FLACC1: variants seen among roughly 807,000 people sequenced by gnomAD.
FLACC1 encodes flagellum-associated coiled-coil domain-containing protein 1.
In FLACC1, 66 loss-of-function variants were observed where a neutral mutation model predicts 62.8. That is an observed-to-expected ratio of 1.05 (90% confidence interval 0.86 to 1.29). The LOEUF is 1.29. Among genes scored for constraint, FLACC1 ranks in the 50% most tolerant of loss-of-function variants. The pLI is 0.00. For missense variants in FLACC1, 452 were observed against 489.1 expected (o/e 0.92, Z 0.71); for synonymous variants, 156 against 161.0 (o/e 0.97, Z 0.24).
chr2:201,332,514 C>T (rs1450419680), intron 7 of FLACC1, among the ~76,000 whole-genome samples: 1 of 152,164 alleles, frequency 6.6e-6, no homozygotes, highest in Non-Finnish European at 1.5e-5. Context: ...TCCCAAAGTG[C>T]TGAGATTACA....
the FLACC1 span, among the ~76,000 whole-genome samples, chr2:201,363,842 G>A: frequency 6.6e-6 from 1 of 152,186 alleles, no homozygotes; most frequent in Admixed American, 6.5e-5. Flanking sequence ...GGGAACTTGG[G>A]GTCGAGGAAA....
rs1359010146 is a variant in FLACC1, at chr2:201,320,159, T to C, written c.675+10311A>G. On this transcript the variant is annotated intron_variant, in intron 9 of 14. Coordinates refer to ENST00000392257, the MANE Select transcript of FLACC1 (RefSeq NM_001127391.3). ...AGCATGGAGAGAGGGAAGCCATTTC[T>C]TACTGTTCCTCACGGGGAACCCTGT... 2.0e-5 allele frequency among the ~76,000 whole-genome samples: 3 copies of C among 152,376 alleles called. No homozygotes were observed. In the East Asian group the frequency reaches 5.8e-4, roughly 29 times the overall value.
chr2:201,318,592 A>G (rs1431175960), intron 9 of FLACC1, among the ~76,000 whole-genome samples: 2 of 152,194 alleles, frequency 1.3e-5, no homozygotes, highest in Non-Finnish European at 2.9e-5. Flanking sequence ...AAATAAAAAA[A>G]AAATACATGT....
At chr2:201,321,435 C>T (rs1056130420) in intron 9 of FLACC1, among the ~76,000 whole-genome samples, 1 of 152,184 alleles carries the variant, frequency 6.6e-6, no homozygotes, top group Non-Finnish European at 1.5e-5. Context: ...GGCACAGTTG[C>T]AGTGCTGGGC....
At position 201,346,722 on chromosome 2, in the gene FLACC1, G is replaced by C. The variant is rs902853061; in HGVS notation, c.235-47C>G. The C allele has an allele frequency of 1.3e-5, 21 of 1,610,016 alleles. No individual in the cohort carries two copies. The highest frequency in any genetic ancestry group is 3.3e-4 in the Middle Eastern group (2 of 6,048). ...GATAAAATGGCAGACTTGGAGTGCT[G>C]AGATTTTTCCAAATCTTCTCTTATT... On this transcript the variant is annotated intron_variant, in intron 4 of 14. Coordinates refer to ENST00000392257, the MANE Select transcript of FLACC1 (RefSeq NM_001127391.3). The surrounding 1 kb of genome is among the most constrained non-coding windows in gnomAD (Gnocchi z 4.0).
At chr2:201,339,221 A>T (rs1950755920) in intron 7 of FLACC1, among the ~76,000 whole-genome samples, 2 of 152,152 alleles carry the variant, frequency 1.3e-5, no homozygotes, top group Non-Finnish European at 2.9e-5. Flanking sequence ...TGTTCATAAT[A>T]GTCTCTGATG....
intron 8 of FLACC1, 38 bp from the exon 9 acceptor site, chr2:201,330,560 T>C (rs1393570190): frequency 1.1e-5 from 18 of 1,600,568 alleles, no homozygotes; most frequent in Non-Finnish European, 1.5e-5. Context: ...TCATTAGTCT[T>C]CTGATATGCA....
intron 7 of FLACC1, among the ~76,000 whole-genome samples, chr2:201,338,570 G>A (rs113035905): frequency 1.4e-4 from 22 of 152,138 alleles, no homozygotes; most frequent in African/African-American, 4.8e-4. Context: ...GTTGAGGTAT[G>A]TTTCTTCTAT....
intron 14 of FLACC1, 113 bp from the exon 15 acceptor site, chr2:201,288,894 C>T: frequency 8.1e-7 from 1 of 1,232,474 alleles, no homozygotes; most frequent in Non-Finnish European, 1.1e-6. Flanking sequence ...ACAGCAGTCT[C>T]TCACTCATTA....
intron 2 of FLACC1, 53 bp from the exon 3 acceptor site, chr2:201,350,835 C>G: frequency 6.8e-7 from 1 of 1,468,316 alleles, no homozygotes. Context: ...TTCGGAAACC[C>G]TTTTTAACAC....
At chr2:201,335,056 G>A (rs564433207) in intron 7 of FLACC1, among the ~76,000 whole-genome samples, 1 of 152,070 alleles carries the variant, frequency 6.6e-6, no homozygotes, top group South Asian at 2.1e-4. Context: ...GTTTCTTCTA[G>A]ATTATCCAAT....
Position 201,309,925 on chromosome 2 carries a change from A to AAAAAAAAAAG in FLACC1, c.676-676_676-675insCTTTTTTTTT, listed in dbSNP as rs764506462. Among the ~76,000 whole-genome samples, 250 of 99,376 alleles carry AAAAAAAAAAG rather than the reference A, an allele frequency of 2.5e-3. 19 individuals carry two copies. The highest frequency in any genetic ancestry group is 4.6e-3 in the Non-Finnish European group (203 of 44,116). The allele number at this position is 99,376 out of a possible 152,430, so 65.2% of individuals were successfully genotyped here. On this transcript the variant is annotated intron_variant, in intron 9 of 14. Transcript: ENST00000392257. Reference sequence around the variant, plus strand: ...TGTCTCAAAAAAAAAAAAAAAAAAAAAAGAAGAAGAAAGGAAATACCTAGT... The same window carrying AAAAAAAAAAG: ...TGTCTCAAAAAAAAAAAAAAAAAAAAAAAAAAAAAGAAGAAGAAGAAAGGAAATACCTAGT...
upstream of FLACC1, among the ~76,000 whole-genome samples, chr2:201,358,747 C>T (rs1951156923): frequency 6.6e-6 from 1 of 152,128 alleles, no homozygotes. Flanking sequence ...TTTTAGTATA[C>T]ATGAGGCCTT....
intron 9 of FLACC1, among the ~76,000 whole-genome samples, chr2:201,319,168 G>A (rs898520722): frequency 6.6e-6 from 1 of 152,032 alleles, no homozygotes; most frequent in African/African-American, 2.4e-5. Context: ...CAGACACATA[G>A]ATCAATGGAA....
At chr2:201,318,337 A>G (rs535395222) in intron 9 of FLACC1, among the ~76,000 whole-genome samples, 1 of 152,214 alleles carries the variant, frequency 6.6e-6, no homozygotes, top group Non-Finnish European at 1.5e-5. Flanking sequence ...AAATCTTCAC[A>G]ATCTATACAT....
chr2:201,321,720 G>T (rs1012033993), intron 9 of FLACC1, among the ~76,000 whole-genome samples: 2 of 152,162 alleles, frequency 1.3e-5, no homozygotes, highest in Non-Finnish European at 2.9e-5. Flanking sequence ...ATGAAAAGCT[G>T]GAGCACTGAA....
rs1032383287 is a variant in FLACC1 at position 201,326,559 on chromosome 2, C to G, written c.675+3911G>C. On this transcript the variant is annotated intron_variant, in intron 9 of 14. Transcript: ENST00000392257. This position sits in a 1 kb window ranked among gnomAD's most constrained non-coding sequence, Gnocchi z 4.1. ...CTGAGAATCAAAAAAAGAACTGATACCCTTTTACAACAGCTACAAAAAAAT... is the reference window on the plus strand; with the variant it reads ...CTGAGAATCAAAAAAAGAACTGATAGCCTTTTACAACAGCTACAAAAAAAT... Among the ~76,000 whole-genome samples the G allele has an allele frequency of 1.3e-5, 2 of 152,106 alleles. No homozygotes were observed. Among genetic ancestry groups the G allele is most frequent in the Non-Finnish European group, 1.5e-5 (1 of 68,000 alleles).
At chr2:201,295,235 G>C (rs1390356440) in intron 12 of FLACC1, among the ~76,000 whole-genome samples, 1 of 152,172 alleles carries the variant, frequency 6.6e-6, no homozygotes, top group African/African-American at 2.4e-5. Flanking sequence ...CAAAGCTGGA[G>C]GCATCTCGCT....
At chr2:201,308,180 G>A (rs772169600) in intron 10 of FLACC1, among the ~76,000 whole-genome samples, 4 of 152,190 alleles carry the variant, frequency 2.6e-5, no homozygotes, top group Non-Finnish European at 5.9e-5. Flanking sequence ...TGACTGAGCT[G>A]GATGGTGAGC....
Sources: allele counts gnomAD v4.1 joint callset (sites outside exome capture counted in the v4.1 genomes callset), GRCh38; gene constraint gnomAD v4.1.1; non-coding constraint Gnocchi (gnomAD v3.1); transcripts MANE v1.5; gene names NCBI Gene and HGNC (gene_info 2026-07-23, HGNC 2026-07-21).